TECPR1: variants seen among roughly 807,000 people sequenced by gnomAD.
The protein encoded by TECPR1 is tectonin beta-propeller repeat containing 1.
TECPR1 carries 122 observed loss-of-function variants against 162.4 expected under a neutral mutation model. The observed-to-expected ratio is 0.75, with a 90% CI of 0.65 to 0.87. TECPR1 has a LOEUF of 0.87. Ranked by LOEUF, TECPR1 falls within the 40% of genes least tolerant of loss-of-function variation. TECPR1 has a pLI of 0.00. For missense variants in TECPR1, 1,432 were observed against 1,618.2 expected, an observed-to-expected ratio of 0.88 and a Z score of 1.97; for synonymous variants, 642 against 670.6, an observed-to-expected ratio of 0.96 and a Z score of 0.66.
Position 98,244,594 on chromosome 7 carries a change from T to C in TECPR1, c.508A>G (p.Lys170Glu). The C allele has an allele frequency of 6.2e-7, 1 of 1,611,498 alleles. No homozygotes were observed. Among genetic ancestry groups the C allele is most frequent in the Non-Finnish European group, 8.5e-7 (1 of 1,178,512 alleles). ...RRKWIRYRRY[K>E]SRDIWAKIPS... ...ACCTTGGCCCAGATGTCCCGGGACT[T>C]GTATCTCCTGTACCGGATCCACTTC... The change falls in exon 5 of 26, where the codon AAG (lysine) becomes GAG (glutamate). Residue 170 changes from lysine (K) to glutamate (E), a missense_variant. Physicochemically the swap from Lys to Glu is moderately conservative, Grantham distance 56. Coordinates refer to ENST00000447648, the MANE Select transcript of TECPR1 (RefSeq NM_015395.3).
At chr7:98,223,748 C>T in intron 19 of TECPR1, 30 bp from the exon 20 acceptor site, 2 of 1,612,858 alleles carry the variant, frequency 1.2e-6, no homozygotes, top group Non-Finnish European at 1.7e-6. Flanking sequence ...GAAATCAGGG[C>T]CACTTCGTGG....
chr7:98,243,663 C>G, intron 5 of TECPR1, 71 bp from the exon 6 acceptor site: 1 of 1,532,308 alleles, frequency 6.5e-7, no homozygotes, highest in South Asian at 1.2e-5. Flanking sequence ...CCACCTCCCG[C>G]CCGCCTGCCA....
rs1332803434 is a variant in TECPR1, at chr7:98,223,710, T to A, written c.2699A>T (p.His900Leu). ...QYASDFPASY[H>L]GSKTMKDFVR... ...AAAATCCTTCATCGTTTTGGACCCA[T>A]GGTATGAGCTGCAAGGAGGAAGAAG... The change falls in exon 20 of 26, where the codon CAT becomes CTT. Residue 900 changes from histidine (H) to leucine (L), a missense_variant. His to Leu is a moderately conservative substitution (Grantham distance 99). Transcript: ENST00000447648. The A allele has an allele frequency of 1.9e-6, 3 of 1,613,256 alleles. No homozygotes were observed. The African/African-American group carries it at 4.0e-5, about 22-fold the overall frequency.
chr7:98,240,204 C>G (rs1457384079), intron 8 of TECPR1, among the ~76,000 whole-genome samples: 1 of 152,096 alleles, frequency 6.6e-6, no homozygotes, highest in African/African-American at 2.4e-5. Flanking sequence ...CAAGCAGTGA[C>G]TAGAGGATGG....
At position 98,223,173 on chromosome 7, in the gene TECPR1, G is replaced by A. The variant is rs1562933821; in HGVS notation, c.2748-3C>T. 6.3e-7 allele frequency: 1 copy of A among 1,592,550 alleles called. No homozygotes were observed. The highest frequency in any genetic ancestry group is 8.5e-7 in the Non-Finnish European group (1 of 1,170,036). On this transcript the variant is annotated splice_polypyrimidine_tract_variant and splice_region_variant and intron_variant, in intron 20 of 25. Coordinates refer to ENST00000447648, the MANE Select transcript of TECPR1 (RefSeq NM_015395.3). ...CACTGGTCACCAGCTTGCATTTTCT[G>A]TACAGTGGAGAGGGGACACAGCCCA...
rs956977545 is a variant in TECPR1, at chr7:98,243,524, C to T, written c.600G>A (p.Glu200=). 1.9e-6 allele frequency: 3 copies of T among 1,612,690 alleles called. No individual in the cohort carries two copies. Among genetic ancestry groups the T allele is most frequent in the Non-Finnish European group, 1.7e-6 (2 of 1,179,830 alleles). Residue 200 remains glutamate, a synonymous_variant, in exon 6 of 26, where the codon GAG becomes GAA. Transcript: ENST00000447648. ...PFNDLSVGGW[E]ITEEPVGRLS... Reference sequence around the variant, plus strand: ...GGCGGCCCACAGGCTCCTCCGTGATCTCCCAGCCCCCTACAGAGAGGTCGT... The same window carrying T: ...GGCGGCCCACAGGCTCCTCCGTGATTTCCCAGCCCCCTACAGAGAGGTCGT...
rs942317365 is a variant in TECPR1, at chr7:98,241,833, GA to G, written c.658-590del. Among the ~76,000 whole-genome samples, 10 of 152,264 alleles carry G rather than the reference GA, an allele frequency of 6.6e-5. No homozygotes were observed. The highest frequency in any genetic ancestry group is 1.3e-4 in the Admixed American group (2 of 15,298). The stretch of plus-strand genomic sequence containing the variant: ...CATCCCCCTACAGCAGGCCCTGCAG[GA>G]CCAGGCCTAGGAGCCTCCCTTCGGC... On this transcript the variant is annotated intron_variant, in intron 6 of 25. Coordinates refer to ENST00000447648, the MANE Select transcript of TECPR1 (RefSeq NM_015395.3). The surrounding 1 kb of genome is among the most constrained non-coding windows in gnomAD (Gnocchi z 5.0).
chr7:98,248,526 C>T (rs141204279), intron 2 of TECPR1, among the ~76,000 whole-genome samples: 19 of 129,790 alleles, frequency 1.5e-4, no homozygotes, highest in African/African-American at 5.6e-4. Context: ...GGAGCAGCTG[C>T]CACCGGCAAA....
rs564005794 is a variant in TECPR1 at position 98,231,471 on chromosome 7, G to A, written c.1975-98C>T. 884 of 1,327,508 alleles carry A rather than the reference G, an allele frequency of 6.7e-4. 4 individuals carry two copies. The African/African-American group carries it at 0.011, about 17-fold the overall frequency. 82.2% of individuals were successfully genotyped at this position (1,327,508 alleles called of 1,614,324 possible). ...GCTTCACCCTGGGACCCTGGCCCTC[G>A]GACACCCTCTCTCCTGGCACCCCCA... On this transcript the variant is annotated intron_variant, in intron 13 of 25. Transcript: ENST00000447648.
Position 98,221,763 on chromosome 7 carries a change from G to C in TECPR1, c.3065-10C>G. On this transcript the variant is annotated splice_polypyrimidine_tract_variant and intron_variant, in intron 22 of 25. Coordinates refer to ENST00000447648, the MANE Select transcript of TECPR1 (RefSeq NM_015395.3). ...TGGTACCAGCAGTCACCTGCGAAGG[G>C]GAGGCTGACTCAGGCACGCTGCCTT... is the stretch of plus-strand genomic sequence containing the variant. 6.2e-7 allele frequency: 1 copy of C among 1,609,830 alleles called. No individual in the cohort carries two copies. Among genetic ancestry groups the C allele is most frequent in the Non-Finnish European group, 8.5e-7 (1 of 1,177,804 alleles).
intron 15 of TECPR1, among the ~76,000 whole-genome samples, chr7:98,229,668 T>C (rs1584333625): frequency 6.6e-6 from 1 of 151,992 alleles, no homozygotes; most frequent in South Asian, 2.1e-4. Context: ...GCCTCCTGGG[T>C]GGGCAGAGTG....
intron 23 of TECPR1, among the ~76,000 whole-genome samples, chr7:98,220,808 G>A (rs1325524496): frequency 1.3e-5 from 2 of 151,740 alleles, no homozygotes; most frequent in Non-Finnish European, 2.9e-5. Flanking sequence ...CGCCTGCTCC[G>A]GCCTCCCAAA....
At position 98,218,054 on chromosome 7, in the gene TECPR1, A is replaced by G. The variant is rs1453518347; in HGVS notation, c.3158-12T>C. 1.3e-6 allele frequency: 2 copies of G among 1,553,520 alleles called. No homozygotes were observed. Among genetic ancestry groups the G allele is most frequent in the Non-Finnish European group, 1.7e-6 (2 of 1,148,394 alleles). On this transcript the variant is annotated splice_polypyrimidine_tract_variant and intron_variant, in intron 23 of 25. Transcript: ENST00000447648. ...ATACCACAGGTTTCCTGGGGAGAAA[A>G]GCAGTGAGGGTCAAAGGGGAAGACC...
chr7:98,218,937 TC>T (rs752348813), intron 23 of TECPR1, among the ~76,000 whole-genome samples: 20 of 152,106 alleles, frequency 1.3e-4, no homozygotes, highest in Non-Finnish European at 2.6e-4. Flanking sequence ...CCAAAGCAAT[TC>T]TAACCAAAAA....
chr7:98,233,393 T>A (rs1303330611), intron 11 of TECPR1, 28 bp downstream of exon 11: 3 of 1,420,430 alleles, frequency 2.1e-6, no homozygotes, highest in Non-Finnish European at 1.8e-6. Flanking sequence ...GCCATGTGGA[T>A]GCCCCCAGGC....
Position 98,246,137 on chromosome 7 carries a change from A to C in TECPR1, c.10T>G (p.Ser4Ala). The change falls in exon 3 of 26, where the codon TCA (serine) becomes GCA (alanine). Residue 4 changes from serine to alanine, a missense_variant. Transcript: ENST00000447648. ...AAGAGGTCCACCGCCCACAGCACTGAGTTGGGCATGGCAGCGGCTGGAGGT... is the reference window on the plus strand; with the variant it reads ...AAGAGGTCCACCGCCCACAGCACTGCGTTGGGCATGGCAGCGGCTGGAGGT... MPN[S>A]VLWAVDLFGR... is the part of the protein sequence containing the mutation. The C allele has an allele frequency of 1.3e-6, 2 of 1,544,800 alleles. No homozygotes were observed. The highest frequency in any genetic ancestry group is 1.7e-6 in the Non-Finnish European group (2 of 1,143,050).
rs1165678933 is a variant in TECPR1 at position 98,231,797 on chromosome 7, T to A, written c.1974+7A>T. 1.9e-6 allele frequency: 3 copies of A among 1,609,464 alleles called. No homozygotes were observed. The highest frequency in any genetic ancestry group is 2.5e-6 in the Non-Finnish European group (3 of 1,177,472). On this transcript the variant is annotated splice_region_variant and intron_variant, in intron 13 of 25. Coordinates refer to ENST00000447648, the MANE Select transcript of TECPR1 (RefSeq NM_015395.3). Reference sequence around the variant, plus strand: ...CTGGCCCCATCTCCTGTGGGACCCGTGGGCACCTTCTTCTCCTCGTGGACC... The same window carrying A: ...CTGGCCCCATCTCCTGTGGGACCCGAGGGCACCTTCTTCTCCTCGTGGACC...
intron 13 of TECPR1, 170 bp downstream of exon 13, chr7:98,231,634 G>A (rs1798442925): frequency 1.4e-6 from 1 of 704,014 alleles, no homozygotes; most frequent in Admixed American, 3.7e-5. Context: ...CCTTCCCCGG[G>A]CACCCCCATT....
At position 98,233,907 on chromosome 7, in the gene TECPR1, C is replaced by T. The variant is rs796613942; in HGVS notation, c.1186G>A (p.Gly396Ser). Residue 396 changes from glycine (G) to serine (S), a missense_variant, in exon 11 of 26, where the codon GGC becomes AGC. Coordinates refer to ENST00000447648, the MANE Select transcript of TECPR1 (RefSeq NM_015395.3). ...SGSSSSLLSA[G>S]CFFGDEVRGS... ...CTCACCTCATCACCGAAGAAGCAGC[C>T]GGCACTGGGGACAAATCAGGGCAGA... 3.3e-6 allele frequency: 5 copies of T among 1,531,420 alleles called. No homozygotes were observed. The highest frequency in any genetic ancestry group is 2.0e-5 in the Admixed American group (1 of 49,808). 94.9% of individuals were successfully genotyped at this position (1,531,420 alleles called of 1,614,324 possible). A position where few individuals can be genotyped will look rare whatever the true frequency, so the allele number is the denominator to read the frequency against.
Sources: allele counts gnomAD v4.1 joint callset (sites outside exome capture counted in the v4.1 genomes callset), GRCh38; gene constraint gnomAD v4.1.1; non-coding constraint Gnocchi (gnomAD v3.1); transcripts MANE v1.5; gene names NCBI Gene and HGNC (gene_info 2026-07-23, HGNC 2026-07-21).